SEMA3B: variants seen among roughly 807,000 people sequenced by gnomAD.
SEMA3B encodes semaphorin-3B.
Under a neutral mutation model 77.8 loss-of-function variants are expected in SEMA3B, and 71 were observed. The observed-to-expected ratio is 0.91, with a 90% CI of 0.75 to 1.11. The LOEUF is 1.11. Among genes scored for constraint, SEMA3B ranks in the 50% most tolerant of loss-of-function variants. The pLI is 0.00. For missense variants in SEMA3B, 968 were observed against 1,056.8 expected, an observed-to-expected ratio of 0.92 and a Z score of 1.17; for synonymous variants, 470 against 452.9, an observed-to-expected ratio of 1.04 and a Z score of -0.48.
In SEMA3B at chr3:50,273,418, T is replaced by C. The variant is rs1470422153; in HGVS notation, c.785T>C (p.Val262Ala). The C allele has an allele frequency of 6.2e-7, 1 of 1,613,574 alleles. No individual in the cohort carries two copies. The highest frequency in any genetic ancestry group is 1.3e-5 in the African/African-American group (1 of 74,946). Residue 262 changes from valine (V) to alanine (A), a missense_variant, in exon 7 of 17, where the codon GTG becomes GCG. Coordinates refer to ENST00000616701, the MANE Select transcript of SEMA3B (RefSeq NM_001290060.2). This position sits in a 1 kb window ranked among gnomAD's most constrained non-coding sequence, Gnocchi z 6.5. ...GCGCCGGCACTGGGACGCCTGTCCG[T>C]GTCCCGCGTTGGCCAGATCTGCCGG... is the stretch of plus-strand genomic sequence containing the variant. ...EAAPALGRLS[V>A]SRVGQICRND...
At chr3:50,268,831 A>T (rs1169974914), upstream of SEMA3B, 1 of 196,148 alleles carries the variant, frequency 5.1e-6, no homozygotes, top group East Asian at 1.7e-4. Flanking sequence ...GACCTTGTCT[A>T]TGTCTCCCAG....
rs1188347350 is a variant in SEMA3B, at chr3:50,270,638, T to G, written c.330+143T>G. On this transcript the variant is annotated intron_variant, in intron 3 of 16. Coordinates refer to ENST00000616701, the MANE Select transcript of SEMA3B (RefSeq NM_001290060.2). This position sits in a 1 kb window ranked among gnomAD's most constrained non-coding sequence, Gnocchi z 4.7. ...GTGGCTGAGGTCTGGGGGTGGTGAG[T>G]CAGGGTGGGGGCTCGTGTAATTCTT... 9.2e-6 allele frequency: 11 copies of G among 1,197,290 alleles called. No individual in the cohort carries two copies. The highest frequency in any genetic ancestry group is 5.4e-4 in the Middle Eastern group (2 of 3,706). 74.2% of individuals were successfully genotyped at this position (1,197,290 alleles called of 1,614,324 possible).
At position 50,275,121 on chromosome 3, in the gene SEMA3B, G is replaced by C; in HGVS notation, c.1491+68G>C. ...TGTGCCTGGCGCGTCCCAAGCCTCTGGCCCCTTTTGGTAGTTTGCAGTCCC... is the reference window on the plus strand; with the variant it reads ...TGTGCCTGGCGCGTCCCAAGCCTCTCGCCCCTTTTGGTAGTTTGCAGTCCC... On this transcript the variant is annotated intron_variant, in intron 13 of 16. Coordinates refer to ENST00000616701, the MANE Select transcript of SEMA3B (RefSeq NM_001290060.2). This position sits in a 1 kb window ranked among gnomAD's most constrained non-coding sequence, Gnocchi z 7.5. 6.6e-7 allele frequency: 1 copy of C among 1,513,718 alleles called. No individual in the cohort carries two copies. Among genetic ancestry groups the C allele is most frequent in the Non-Finnish European group, 8.9e-7 (1 of 1,128,732 alleles). 93.8% of individuals were successfully genotyped at this position (1,513,718 alleles called of 1,614,324 possible).
Position 50,273,116 on chromosome 3 carries a change from G to A in SEMA3B, c.665-182G>A, listed in dbSNP as rs1266850560. On this transcript the variant is annotated intron_variant, in intron 6 of 16. Transcript: ENST00000616701. The surrounding 1 kb of genome is among the most constrained non-coding windows in gnomAD (Gnocchi z 6.5). ...CTCGCGGCTGCTTCTTGCCTCGCAG[G>A]CCCTGATCCTTTGGATTCGGTCCGC... is the stretch of plus-strand genomic sequence containing the variant. 1.1e-5 allele frequency: 11 copies of A among 980,804 alleles called. No individual in the cohort carries two copies. In the African/African-American group the frequency reaches 1.5e-4, roughly 13 times the overall value. 60.8% of individuals were successfully genotyped at this position (980,804 alleles called of 1,614,324 possible).
Position 50,273,400 on chromosome 3 carries a change from C to T in SEMA3B, c.767C>T (p.Ala256Val). The T allele has an allele frequency of 6.2e-7, 1 of 1,613,812 alleles. No homozygotes were observed. The highest frequency in any genetic ancestry group is 8.5e-7 in the Non-Finnish European group (1 of 1,179,862). ...GAGACGGCGGTAGAGGCGGCGCCGG[C>T]ACTGGGACGCCTGTCCGTGTCCCGC... Reference protein sequence around the residue: ...FRETAVEAAPALGRLSVSRVG... With the variant: ...FRETAVEAAPVLGRLSVSRVG... Residue 256 changes from alanine (A) to valine (V), a missense_variant, in exon 7 of 17, where the codon GCA becomes GTA. Coordinates refer to ENST00000616701, the MANE Select transcript of SEMA3B (RefSeq NM_001290060.2). This position sits in a 1 kb window ranked among gnomAD's most constrained non-coding sequence, Gnocchi z 6.5.
At chr3:50,271,602 A>C in intron 6 of SEMA3B, 122 bp downstream of exon 6, 5 of 1,371,270 alleles carry the variant, frequency 3.6e-6, no homozygotes, top group East Asian at 2.5e-5. Flanking sequence ...ACCCTCCTTA[A>C]TCAGGCACTG....
In SEMA3B at chr3:50,269,999, CAT is replaced by C. The variant is rs1701001502; in HGVS notation, c.110-127_110-126del. On this transcript the variant is annotated intron_variant, in intron 1 of 16. Transcript: ENST00000616701. The surrounding 1 kb of genome is among the most constrained non-coding windows in gnomAD (Gnocchi z 4.0). The stretch of plus-strand genomic sequence containing the variant: ...GGGTTTGCGTGTGTAAACTCACACA[CAT>C]GTAAACTCACATGTGTACAGGCCAG... 2 of 1,026,592 alleles carry C rather than the reference CAT, an allele frequency of 1.9e-6. No homozygotes were observed. The highest frequency in any genetic ancestry group is 1.6e-5 in the African/African-American group (1 of 61,864). The allele number at this position is 1,026,592 out of a possible 1,614,324, so 63.6% of individuals were successfully genotyped here. A position where few individuals can be genotyped will look rare whatever the true frequency, so the allele number is the denominator to read the frequency against.
Position 50,270,448 on chromosome 3 carries a change from C to G in SEMA3B, c.283C>G (p.Pro95Ala). ...KRAKKLAWPAPVEWREECNWA... is the reference protein window; with the variant it reads ...KRAKKLAWPAAVEWREECNWA... ...CTCCCGATAGCTGGCCTGGCCGGCCCCTGTGGAATGGCGAGAGGAGTGCAA... is the reference window on the plus strand; with the variant it reads ...CTCCCGATAGCTGGCCTGGCCGGCCGCTGTGGAATGGCGAGAGGAGTGCAA... The change falls in exon 3 of 17, where the codon CCT becomes GCT. Residue 95 changes from proline (P) to alanine (A), a missense_variant. Pro to Ala is a conservative substitution (Grantham distance 27). Transcript: ENST00000616701. This position sits in a 1 kb window ranked among gnomAD's most constrained non-coding sequence, Gnocchi z 4.7. 1 of 1,613,710 alleles carries G rather than the reference C, an allele frequency of 6.2e-7. No individual in the cohort carries two copies. Among genetic ancestry groups the G allele is most frequent in the East Asian group, 2.2e-5 (1 of 44,882 alleles).
chr3:50,274,015 G>A lies in SEMA3B; in HGVS notation c.1095G>A (p.Trp365Ter), dbSNP rs782200217. ...ACAAGGAGGGGCCCATGCACCAGTG[G>A]GTGTCATACCAGGGTCGCGTCCCCT... ...FAHKEGPMHQ[W>*]VSYQGRVPYP... Residue 365 changes from tryptophan (W) to a stop codon, truncating the protein, a stop_gained, in exon 10 of 17, where the codon TGG (tryptophan) becomes TGA (stop). Transcript: ENST00000616701. LOFTEE classifies it high-confidence loss of function. This position sits in a 1 kb window ranked among gnomAD's most constrained non-coding sequence, Gnocchi z 4.7. 3 of 1,613,588 alleles carry A rather than the reference G, an allele frequency of 1.9e-6. No homozygotes were observed. Among genetic ancestry groups the A allele is most frequent in the Non-Finnish European group, 2.5e-6 (3 of 1,179,758 alleles).
At position 50,276,248 on chromosome 3, in the gene SEMA3B, G is replaced by A. The variant is rs1701239904; in HGVS notation, c.1846-54G>A. 3.5e-6 allele frequency: 5 copies of A among 1,433,792 alleles called. 1 individual carries two copies. Among genetic ancestry groups the A allele is most frequent in the South Asian group, 2.9e-5 (2 of 68,976 alleles). 88.8% of individuals were successfully genotyped at this position (1,433,792 alleles called of 1,614,324 possible). On this transcript the variant is annotated intron_variant, in intron 16 of 16. Transcript: ENST00000616701. This position sits in a 1 kb window ranked among gnomAD's most constrained non-coding sequence, Gnocchi z 5.8. ...CTTCTTCCGTCGCGTGCTAGGGCCC[G>A]GAAGCCCTGTTCCCGGCCCGACACC...
chr3:50,275,602 G>A lies in SEMA3B; in HGVS notation c.1692G>A (p.Thr564=), dbSNP rs1258073490. 1 of 1,613,706 alleles carries A rather than the reference G, an allele frequency of 6.2e-7. No individual in the cohort carries two copies. The highest frequency in any genetic ancestry group is 8.5e-7 in the Non-Finnish European group (1 of 1,179,894). Residue 564 remains threonine, a synonymous_variant, in exon 15 of 17, where the codon ACG becomes ACA. Coordinates refer to ENST00000616701, the MANE Select transcript of SEMA3B (RefSeq NM_001290060.2). The surrounding 1 kb of genome is among the most constrained non-coding windows in gnomAD (Gnocchi z 7.5). ...ACGTAAGGAATGGCGACCCCAGCAC[G>A]TTGTGCTCCGGAGGTGAGTGCCCCA... is the stretch of plus-strand genomic sequence containing the variant. The part of the protein sequence containing the change: ...RQDVRNGDPS[T]LCSGDSSRPA...
In SEMA3B at chr3:50,276,608, T is replaced by TCA; in HGVS notation, c.2154_2155dup (p.Leu719HisfsTer168). 1 of 1,586,502 alleles carries TCA rather than the reference T, an allele frequency of 6.3e-7. No individual in the cohort carries two copies. The highest frequency in any genetic ancestry group is 1.3e-5 in the African/African-American group (1 of 74,264). ...GTGCCGCCCGCAGCCTGCGCTGCAGTCACTGCCCCTGGAGTCGCGGAGAAA... is the reference window on the plus strand; with the variant it reads ...GTGCCGCCCGCAGCCTGCGCTGCAGTCACACTGCCCCTGGAGTCGCGGAGAAA... On this transcript the variant is annotated frameshift_variant, in exon 17 of 17. Coordinates refer to ENST00000616701, the MANE Select transcript of SEMA3B (RefSeq NM_001290060.2). LOFTEE classifies it low-confidence loss of function (END_TRUNC). This position sits in a 1 kb window ranked among gnomAD's most constrained non-coding sequence, Gnocchi z 5.8.
At position 50,270,335 on chromosome 3, in the gene SEMA3B, C is replaced by A; in HGVS notation, c.267+51C>A. 1 of 1,608,534 alleles carries A rather than the reference C, an allele frequency of 6.2e-7. No individual in the cohort carries two copies. On this transcript the variant is annotated intron_variant, in intron 2 of 16. Transcript: ENST00000616701. This position sits in a 1 kb window ranked among gnomAD's most constrained non-coding sequence, Gnocchi z 4.7. ...CTCCCCAGGGAAGGAGCCCTGGGAC[C>A]CCACTCCAGCCTGGAGAGACCCAGA...
In SEMA3B at chr3:50,270,577, G is replaced by T; in HGVS notation, c.330+82G>T. The T allele has an allele frequency of 6.3e-7, 1 of 1,580,396 alleles. No individual in the cohort carries two copies. Among genetic ancestry groups the T allele is most frequent in the Non-Finnish European group, 8.6e-7 (1 of 1,156,950 alleles). The stretch of plus-strand genomic sequence containing the variant: ...CAGGGCAGGGCTAAAACAGAGGCCT[G>T]CCTGTTCTGGCTGGGATGAGGGCAG... On this transcript the variant is annotated intron_variant, in intron 3 of 16. Transcript: ENST00000616701. The surrounding 1 kb of genome is among the most constrained non-coding windows in gnomAD (Gnocchi z 4.7).
At chr3:50,266,658 A>C (rs886237282), upstream of SEMA3B, 1 of 152,218 alleles carries the variant, frequency 6.6e-6, no homozygotes. Context: ...GCCCTGGTAT[A>C]TTCACTCAGG....
At chr3:50,266,780 A>G (rs1300939845), upstream of SEMA3B, 1 of 152,252 alleles carries the variant, frequency 6.6e-6, no homozygotes, top group African/African-American at 2.4e-5. Context: ...ACAAGACCCC[A>G]GGTCATTCCC....
Position 50,273,127 on chromosome 3 carries a change from T to G in SEMA3B, c.665-171T>G. ...TTCTTGCCTCGCAGGCCCTGATCCT[T>G]TGGATTCGGTCCGCGCAGAGCGCCA... On this transcript the variant is annotated intron_variant, in intron 6 of 16. Transcript: ENST00000616701. The surrounding 1 kb of genome is among the most constrained non-coding windows in gnomAD (Gnocchi z 6.5). 2 of 1,073,318 alleles carry G rather than the reference T, an allele frequency of 1.9e-6. No individual in the cohort carries two copies. Among genetic ancestry groups the G allele is most frequent in the Non-Finnish European group, 2.6e-6 (2 of 764,948 alleles). The allele number at this position is 1,073,318 out of a possible 1,614,324, so 66.5% of individuals were successfully genotyped here. A position where few individuals can be genotyped will look rare whatever the true frequency, so the allele number is the denominator to read the frequency against.
In SEMA3B at chr3:50,276,619, G is replaced by T; in HGVS notation, c.2163G>T (p.Leu721=). ...RPQPALQSLP[L]ESRRKGRNRR... is the part of the protein sequence containing the mutation. The stretch of plus-strand genomic sequence containing the variant: ...AGCCTGCGCTGCAGTCACTGCCCCT[G>T]GAGTCGCGGAGAAAGGGCCGTAACC... The change falls in exon 17 of 17, where the codon CTG becomes CTT. Residue 721 remains leucine, a synonymous_variant. Coordinates refer to ENST00000616701, the MANE Select transcript of SEMA3B (RefSeq NM_001290060.2). The surrounding 1 kb of genome is among the most constrained non-coding windows in gnomAD (Gnocchi z 5.8). The T allele has an allele frequency of 1.3e-5, 20 of 1,591,510 alleles. No homozygotes were observed. Among genetic ancestry groups the T allele is most frequent in the Non-Finnish European group, 1.7e-5 (20 of 1,174,082 alleles).
chr3:50,267,498 C>G (rs1295449022), upstream of SEMA3B: 1 of 152,422 alleles, frequency 6.6e-6, no homozygotes, highest in African/African-American at 2.4e-5. This position sits in a 1 kb window ranked among gnomAD's most constrained non-coding sequence, Gnocchi z 5.7. Flanking sequence ...ATTCCACTCC[C>G]GCCTGGCTGC....
Sources: allele counts gnomAD v4.1 joint callset, GRCh38; gene constraint gnomAD v4.1.1; non-coding constraint Gnocchi (gnomAD v3.1); transcripts MANE v1.5; gene names NCBI Gene and HGNC (gene_info 2026-07-23, HGNC 2026-07-21).